TKFC: variants seen among roughly 807,000 people sequenced by gnomAD.
TKFC encodes triokinase and FMN cyclase, also known as triokinase/FMN cyclase.
In TKFC, 46 loss-of-function variants were observed where a neutral mutation model predicts 61.0. The observed-to-expected ratio is 0.75, with a 90% CI of 0.60 to 0.96. The LOEUF is 0.96. TKFC is among the 50% of genes least tolerant of loss of function. The pLI is 0.00. For synonymous variants in TKFC, 314 were observed against 330.1 expected (o/e 0.95, Z 0.53); for missense variants, 715 against 777.5 (o/e 0.92, Z 0.96).
In TKFC at chr11:61,339,364, G is replaced by A. The variant is rs944852661; in HGVS notation, c.415G>A (p.Asp139Asn). The change falls in exon 5 of 18, where the codon GAC becomes AAC. Residue 139 changes from aspartate (D) to asparagine (N), a missense_variant. By Grantham distance (23) the Asp-to-Asn change is conservative. Transcript: ENST00000394900. ...CCCGGTGGAGATGGTGGTGATTGGGGACGACAGCGCCTTCACTGTCCTGAA... is the reference window on the plus strand; with the variant it reads ...CCCGGTGGAGATGGTGGTGATTGGGAACGACAGCGCCTTCACTGTCCTGAA... ...GIPVEMVVIG[D>N]DSAFTVLKKA... 6.2e-7 allele frequency: 1 copy of A among 1,613,658 alleles called. No homozygotes were observed.
chr11:61,341,051 T>C (rs959860668), intron 5 of TKFC, among the ~76,000 whole-genome samples: 3 of 151,310 alleles, frequency 2.0e-5, no homozygotes, highest in Non-Finnish European at 4.4e-5. Context: ...TGGTAAAAAT[T>C]GGGTGGATGG....
chr11:61,352,917 A>C, downstream of TKFC: 2 of 1,612,440 alleles, frequency 1.2e-6, no homozygotes, highest in Non-Finnish European at 1.7e-6. Context: ...CTGTGATCAC[A>C]GGGTGTATCT....
chr11:61,345,436 A>C (rs1423612867), intron 14 of TKFC, 26 bp from the exon 15 acceptor site: 3 of 1,607,672 alleles, frequency 1.9e-6, no homozygotes, highest in Non-Finnish European at 2.6e-6. Flanking sequence ...CCAGCACCAC[A>C]TGCTCAGCGT....
In TKFC at chr11:61,338,098, G is replaced by A. The variant is rs1185694025; in HGVS notation, c.161G>A (p.Gly54Asp). ...SLKGRVALLSGGGSGHEPAHA... is the reference protein window; with the variant it reads ...SLKGRVALLSDGGSGHEPAHA... ...AAGGGCCGGGTGGCACTGCTGTCGG[G>A]TGGGGGCTCTGGCCATGAGCCTGCC... Residue 54 changes from glycine to aspartate, a missense_variant, in exon 3 of 18, where the codon GGT becomes GAT. Coordinates refer to ENST00000394900, the MANE Select transcript of TKFC (RefSeq NM_015533.4). 6.2e-7 allele frequency: 1 copy of A among 1,606,550 alleles called. No individual in the cohort carries two copies.
chr11:61,340,874 G>T (rs1856822912), intron 5 of TKFC, among the ~76,000 whole-genome samples: 1 of 152,138 alleles, frequency 6.6e-6, no homozygotes, highest in Non-Finnish European at 1.5e-5. Flanking sequence ...ACCCTGAGCT[G>T]GTTGGCAGCC....
chr11:61,339,465 G>T, intron 5 of TKFC, 30 bp downstream of exon 5: 1 of 1,575,936 alleles, frequency 6.3e-7, no homozygotes, highest in Non-Finnish European at 8.6e-7. Context: ...GTGGAGACTG[G>T]CCAGCCCTTT....
intron 2 of TKFC, among the ~76,000 whole-genome samples, chr11:61,337,142 T>C (rs1457488715): frequency 1.3e-5 from 2 of 152,130 alleles, no homozygotes; most frequent in Admixed American, 1.3e-4. Context: ...GGAACAGCAT[T>C]GTTATCTCTT....
At position 61,344,215 on chromosome 11, in the gene TKFC, C is replaced by T. The variant is rs765176529; in HGVS notation, c.1182C>T (p.Ala394=). The T allele has an allele frequency of 4.3e-6, 7 of 1,612,804 alleles. No homozygotes were observed. The South Asian group carries it at 7.7e-5, about 18-fold the overall frequency. The part of the protein sequence containing the change: ...TLLGLEEHLN[A]LDRAAGDGDC... The stretch of plus-strand genomic sequence containing the variant: ...TGGGCCTGGAGGAACACCTGAATGC[C>T]CTGGACCGGGCTGCTGGTGACGGCG... The change falls in exon 13 of 18, where the codon GCC becomes GCT. Residue 394 remains alanine, a synonymous_variant. Transcript: ENST00000394900.
chr11:61,342,880 T>C (rs531033522), intron 10 of TKFC, 36 bp downstream of exon 10: 1 of 1,604,142 alleles, frequency 6.2e-7, no homozygotes, highest in East Asian at 2.2e-5. Flanking sequence ...CCTACAGCCC[T>C]TTGGAAAGGG....
chr11:61,352,730 C>G (rs1857472682), downstream of TKFC: 5 of 1,150,966 alleles, frequency 4.3e-6, no homozygotes, highest in Non-Finnish European at 5.8e-6. Flanking sequence ...GGGTGGTTGA[C>G]AGGATTAAAT....
chr11:61,349,889 A>G, downstream of TKFC: 2 of 533,876 alleles, frequency 3.7e-6, no homozygotes, highest in Non-Finnish European at 6.8e-6. Context: ...GGGGAAGTGG[A>G]CGGACACCTC....
chr11:61,349,601 T>G, downstream of TKFC: 1 of 702,928 alleles, frequency 1.4e-6, no homozygotes, highest in Non-Finnish European at 2.6e-6. Flanking sequence ...GACACGTAAG[T>G]CACAGGGAAA....
At chr11:61,350,315 G>C, downstream of TKFC, 1 of 1,544,150 alleles carries the variant, frequency 6.5e-7, no homozygotes, top group Non-Finnish European at 8.8e-7. Context: ...GCTGAAACCA[G>C]CCGGGAGCCC....
chr11:61,341,603 G>C, intron 6 of TKFC, 89 bp downstream of exon 6: 1 of 1,432,564 alleles, frequency 7.0e-7, no homozygotes, highest in Non-Finnish European at 9.6e-7. Context: ...CTGCCTAGCG[G>C]TGCTCCCCAG....
In TKFC at chr11:61,344,263, T is replaced by C; in HGVS notation, c.1230T>C (p.Arg410=). 1 of 1,612,682 alleles carries C rather than the reference T, an allele frequency of 6.2e-7. No homozygotes were observed. Among genetic ancestry groups the C allele is most frequent in the East Asian group, 2.2e-5 (1 of 44,856 alleles). Reference sequence around the variant, plus strand: ...GCGACTGTGGCACCACCCACAGCCGTGCGGCCAGAGGTTGGTGCCAGGGAC... The same window carrying C: ...GCGACTGTGGCACCACCCACAGCCGCGCGGCCAGAGGTTGGTGCCAGGGAC... ...GDGDCGTTHS[R]AARAIQEWLK... is the part of the protein sequence containing the mutation. The change falls in exon 13 of 18, where the codon CGT becomes CGC. Residue 410 remains arginine (R), a synonymous_variant. Coordinates refer to ENST00000394900, the MANE Select transcript of TKFC (RefSeq NM_015533.4).
At position 61,348,616 on chromosome 11, in the gene TKFC, G is replaced by A. The variant is rs556993439; in HGVS notation, c.*2113G>A. 11 of 533,858 alleles carry A rather than the reference G, an allele frequency of 2.1e-5. No homozygotes were observed. The highest frequency in any genetic ancestry group is 1.4e-4 in the African/African-American group (7 of 48,830). 33.1% of individuals were successfully genotyped at this position (533,858 alleles called of 1,614,324 possible). A position where few individuals can be genotyped will look rare whatever the true frequency, so the allele number is the denominator to read the frequency against. On this transcript the variant is annotated 3_prime_UTR_variant, in exon 18 of 18. Transcript: ENST00000394900. ...GGGTGGAGCCCCAGAGAGCTCTCAC[G>A]CCCTTTCCACCATGTGAGGTTATGG... is the stretch of plus-strand genomic sequence containing the variant.
At chr11:61,341,725 G>A (rs888233597) in intron 6 of TKFC, 98 bp from the exon 7 acceptor site, 108 of 1,323,122 alleles carry the variant, frequency 8.2e-5, no homozygotes, top group Middle Eastern at 7.2e-4. Flanking sequence ...AGAGAAGAGG[G>A]TACCTGTGGG....
chr11:61,341,402 C>A (rs751086384), intron 5 of TKFC, 34 bp from the exon 6 acceptor site: 1 of 1,549,200 alleles, frequency 6.5e-7, no homozygotes. Context: ...GTGATACCCT[C>A]CCCCCTGGGG....
Position 61,347,498 on chromosome 11 carries a change from C to T in TKFC, c.*995C>T. ...AGGCTGCGGTGAGCCATAAGCATGC[C>T]ACTATACTCCAGCCTGGGCAACAAA... is the stretch of plus-strand genomic sequence containing the variant. On this transcript the variant is annotated 3_prime_UTR_variant, in exon 18 of 18. Coordinates refer to ENST00000394900, the MANE Select transcript of TKFC (RefSeq NM_015533.4). The T allele has an allele frequency of 2.0e-6, 2 of 982,528 alleles. No individual in the cohort carries two copies. The highest frequency in any genetic ancestry group is 2.4e-6 in the Non-Finnish European group (2 of 829,674). The allele number at this position is 982,528 out of a possible 1,614,324, so 60.9% of individuals were successfully genotyped here. A position where few individuals can be genotyped will look rare whatever the true frequency, so the allele number is the denominator to read the frequency against.
Sources: allele counts gnomAD v4.1 joint callset (sites outside exome capture counted in the v4.1 genomes callset), GRCh38; gene constraint gnomAD v4.1.1; transcripts MANE v1.5; gene names NCBI Gene and HGNC (gene_info 2026-07-23, HGNC 2026-07-21).